The following TPO variants were observed in gnomAD, a reference collection of about 807,000 sequenced individuals.
The protein encoded by TPO is thyroid microsomal antigen.
In TPO, 78 loss-of-function variants were observed where a neutral mutation model predicts 96.9. The observed-to-expected ratio is 0.81, with a 90% CI of 0.67 to 0.97. TPO has a LOEUF of 0.97. TPO is among the 50% of genes least tolerant of loss of function. The pLI is 0.00. For missense variants in TPO, 1,252 were observed against 1,274.8 expected (o/e 0.98, Z 0.27); for synonymous variants, 547 against 538.0 (o/e 1.02, Z -0.23).
intron 13 of TPO, among the ~76,000 whole-genome samples, chr2:1,497,991 C>CAAAAAAAAAAAAAAAAAAA (rs543921082): frequency 1.1e-5 from 1 of 87,296 alleles, no homozygotes; most frequent in Non-Finnish European, 2.2e-5. Flanking sequence ...CCCCATCTAC[C>CAAAAAAAAAAAAAAAAAAA]AAAAAAAAAA....
At chr2:1,452,748 T>C (rs775761979) in intron 5 of TPO, among the ~76,000 whole-genome samples, 15 of 152,190 alleles carry the variant, frequency 9.9e-5, no homozygotes, top group Non-Finnish European at 2.1e-4. Context: ...TATTGGAAAA[T>C]ACCTCATTTG....
intron 1 of TPO, among the ~76,000 whole-genome samples, chr2:1,393,330 C>T (rs1012909894): frequency 6.6e-6 from 1 of 152,236 alleles, no homozygotes; most frequent in Non-Finnish European, 1.5e-5. Context: ...GACCCAGTCA[C>T]CTCCCACCAG....
intron 16 of TPO, 44 bp downstream of exon 16, chr2:1,540,767 G>A (rs28915676): frequency 6.2e-7 from 1 of 1,613,040 alleles, no homozygotes; most frequent in South Asian, 1.1e-5. Context: ...CACCGCAGTG[G>A]TTGGACAGGA....
Position 1,496,611 on chromosome 2 carries a change from C to T in TPO, c.2232C>T (p.Phe744=). 1.9e-6 allele frequency: 3 copies of T among 1,613,960 alleles called. No homozygotes were observed. Among genetic ancestry groups the T allele is most frequent in the Non-Finnish European group, 2.5e-6 (3 of 1,180,024 alleles). Residue 744 remains phenylalanine, a synonymous_variant, in exon 13 of 17, where the codon TTC becomes TTT. Transcript: ENST00000329066. ...ETFPQDDKCG[F]PESVENGDFV... ...ATTTCATAGACGACAAGTGTGGCTT[C>T]CCAGAGAGCGTGGAGAATGGGGACT...
chr2:1,422,227 G>A (rs1160556255), intron 2 of TPO, among the ~76,000 whole-genome samples: 1 of 101,654 alleles, frequency 9.8e-6, no homozygotes, highest in Non-Finnish European at 2.0e-5. Flanking sequence ...AAATGATGCT[G>A]GGGAATTTGT....
At position 1,458,729 on chromosome 2, in the gene TPO, C is replaced by T. The variant is rs145447490; in HGVS notation, c.819+2447C>T. 2.3e-3 allele frequency among the ~76,000 whole-genome samples: 347 copies of T among 152,276 alleles called. 4 individuals are homozygous for T. The highest frequency in any genetic ancestry group is 7.8e-3 in the African/African-American group (323 of 41,532). ...TGTCACATCATGTGCATGCTCAGTG[C>T]CTGGTAAGGACCACTTAGCAATAGT... is the stretch of plus-strand genomic sequence containing the variant. On this transcript the variant is annotated intron_variant, in intron 7 of 16. Coordinates refer to ENST00000329066, the MANE Select transcript of TPO (RefSeq NM_001206744.2).
At chr2:1,414,109 C>A (rs572376602) in intron 1 of TPO, among the ~76,000 whole-genome samples, 1 of 152,168 alleles carries the variant, frequency 6.6e-6, no homozygotes, top group South Asian at 2.1e-4. Flanking sequence ...TTTGACATTA[C>A]CAAAAATTTA....
At chr2:1,385,659 A>G (rs1661881261) in intron 1 of TPO, among the ~76,000 whole-genome samples, 1 of 151,972 alleles carries the variant, frequency 6.6e-6, no homozygotes. Context: ...TCAAAAAAAA[A>G]ACCAGCTCCT....
At chr2:1,474,764 G>A (rs764011346) in intron 7 of TPO, among the ~76,000 whole-genome samples, 1 of 152,180 alleles carries the variant, frequency 6.6e-6, no homozygotes, top group Non-Finnish European at 1.5e-5. Flanking sequence ...CTGCATGCCT[G>A]AGCCCTGCTC....
In TPO at chr2:1,526,691, C is replaced by CG. The variant is rs1328464482; in HGVS notation, c.2618+9709_2618+9710insG. ...AACTGTGTTCATCCTCCCCAAATCCCCCCCCCACTGTATGCAACCTCCCCA... is the reference window on the plus strand; with the variant it reads ...AACTGTGTTCATCCTCCCCAAATCCCGCCCCCCACTGTATGCAACCTCCCCA... On this transcript the variant is annotated intron_variant, in intron 15 of 16. Transcript: ENST00000329066. 1.1e-4 allele frequency among the ~76,000 whole-genome samples: 9 copies of CG among 81,542 alleles called. No individual in the cohort carries two copies. In the East Asian group the frequency reaches 2.6e-3, roughly 23 times the overall value. The allele number at this position is 81,542 out of a possible 152,430, so 53.5% of individuals were successfully genotyped here. A position where few individuals can be genotyped will look rare whatever the true frequency, so the allele number is the denominator to read the frequency against.
At chr2:1,446,210 T>A (rs1666801807) in intron 5 of TPO, among the ~76,000 whole-genome samples, 1 of 152,202 alleles carries the variant, frequency 6.6e-6, no homozygotes, top group Non-Finnish European at 1.5e-5. Flanking sequence ...AGGTGACCAT[T>A]GCTTTGATCT....
chr2:1,453,802 C>A lies in TPO; in HGVS notation c.591C>A (p.Tyr197Ter), dbSNP rs747734529. Residue 197 changes from tyrosine (Y) to a stop codon, truncating the protein, a stop_gained, in exon 6 of 17, where the codon TAC (tyrosine) becomes TAA (stop). Coordinates refer to ENST00000329066, the MANE Select transcript of TPO (RefSeq NM_001206744.2). LOFTEE classifies it high-confidence loss of function. ...GAGGCTGGAACCCCGGCTTCTTGTA[C>A]AACGGGTTCCCACTGCCCCCGGTGG... Reference protein sequence around the residue: ...QPRGWNPGFLYNGFPLPPVRE... With the variant: ...QPRGWNPGFL 1 of 1,613,836 alleles carries A rather than the reference C, an allele frequency of 6.2e-7. No individual in the cohort carries two copies. The highest frequency in any genetic ancestry group is 1.1e-5 in the South Asian group (1 of 91,084).
chr2:1,538,847 G>C (rs940350398), intron 15 of TPO, among the ~76,000 whole-genome samples: 1 of 152,162 alleles, frequency 6.6e-6, no homozygotes, highest in East Asian at 1.9e-4. Flanking sequence ...TGCTCCCCCC[G>C]AAGGTTGGAA....
At chr2:1,414,293 A>C in intron 1 of TPO, 115 bp from the exon 2 acceptor site, 4 of 988,652 alleles carry the variant, frequency 4.0e-6, no homozygotes, top group Non-Finnish European at 4.7e-6. Flanking sequence ...TCACTGCGGT[A>C]GAGGCTGCGT....
intron 5 of TPO, among the ~76,000 whole-genome samples, chr2:1,447,902 C>A (rs1573227619): frequency 6.6e-6 from 1 of 152,162 alleles, no homozygotes; most frequent in Non-Finnish European, 1.5e-5. Flanking sequence ...AGGGAGAGAA[C>A]CTGAGTTAAA....
chr2:1,502,264 A>G (rs1672945674), intron 13 of TPO, among the ~76,000 whole-genome samples: 1 of 152,178 alleles, frequency 6.6e-6, no homozygotes, highest in Non-Finnish European at 1.5e-5. Context: ...AAGACCTTCT[A>G]GGTTTAACAG....
At chr2:1,507,588 G>A (rs1673609038) in intron 14 of TPO, among the ~76,000 whole-genome samples, 1 of 152,098 alleles carries the variant, frequency 6.6e-6, no homozygotes, top group African/African-American at 2.4e-5. Flanking sequence ...TCTCCTTCAA[G>A]AGGTCCTTCA....
chr2:1,496,192 C>T lies in TPO; in HGVS notation c.2210C>T (p.Pro737Leu). ...MNLEAWRETF[P>L]QDDKCGFPES... ...CTGGAGGCCTGGAGGGAAACCTTTC[C>T]TCAAGGTGAAGTTCGGTCTCCTCTC... is the stretch of plus-strand genomic sequence containing the variant. Residue 737 changes from proline (P) to leucine (L), a missense_variant, in exon 12 of 17, where the codon CCT becomes CTT. By Grantham distance (98) the Pro-to-Leu change is moderately conservative (BLOSUM62 -3). Coordinates refer to ENST00000329066, the MANE Select transcript of TPO (RefSeq NM_001206744.2). 1 of 1,613,866 alleles carries T rather than the reference C, an allele frequency of 6.2e-7. No homozygotes were observed. The highest frequency in any genetic ancestry group is 8.5e-7 in the Non-Finnish European group (1 of 1,179,978).
intron 9 of TPO, among the ~76,000 whole-genome samples, chr2:1,485,118 T>C (rs1158425360): frequency 6.7e-6 from 1 of 148,868 alleles, no homozygotes; most frequent in South Asian, 2.2e-4. Context: ...TGTGTTCTCA[T>C]TGTTCAATTC....
Sources: allele counts gnomAD v4.1 joint callset (sites outside exome capture counted in the v4.1 genomes callset), GRCh38; gene constraint gnomAD v4.1.1; transcripts MANE v1.5; gene names NCBI Gene and HGNC (gene_info 2026-07-23, HGNC 2026-07-21).